Variants in EFCAB7 observed in about 807,000 individuals in gnomAD.
EFCAB7 encodes EF-hand calcium binding domain 7.
EFCAB7 carries 66 observed loss-of-function variants against 77.1 expected under a neutral mutation model. The observed-to-expected ratio is 0.86, with a 90% CI of 0.70 to 1.05. EFCAB7 has a LOEUF of 1.05. Among genes scored for constraint, EFCAB7 ranks in the 50% least tolerant of loss-of-function variants. The pLI is 0.00. For synonymous variants in EFCAB7, 225 were observed against 243.3 expected (o/e 0.92, Z 0.70); for missense variants, 638 against 730.5 (o/e 0.87, Z 1.46).
chr1:63,532,661 T>G lies in EFCAB7; in HGVS notation c.400-9T>G. On this transcript the variant is annotated splice_polypyrimidine_tract_variant and intron_variant, in intron 3 of 13. Coordinates refer to ENST00000371088, the MANE Select transcript of EFCAB7 (RefSeq NM_032437.4). ...TTGCTTTAAAATAAATCTTGTTTTT[T>G]TTTTTCAGAGAGGTGAGAAGATGAC... 1.9e-6 allele frequency: 3 copies of G among 1,583,002 alleles called. No individual in the cohort carries two copies. Among genetic ancestry groups the G allele is most frequent in the Middle Eastern group, 1.7e-4 (1 of 5,936 alleles).
chr1:63,538,711 A>G (rs748923972), intron 6 of EFCAB7, among the ~76,000 whole-genome samples: 1 of 152,138 alleles, frequency 6.6e-6, no homozygotes, highest in African/African-American at 2.4e-5. Context: ...CAGCCTCCCA[A>G]AGTGCTGGGG....
At position 63,557,341 on chromosome 1, in the gene EFCAB7, ATAT is replaced by A. The variant is rs573781309; in HGVS notation, c.1348+101_1348+103del. 92 of 1,176,376 alleles carry A rather than the reference ATAT, an allele frequency of 7.8e-5. No homozygotes were observed. The African/African-American group carries it at 1.3e-3, about 16-fold the overall frequency. 72.9% of individuals were successfully genotyped at this position (1,176,376 alleles called of 1,614,324 possible). On this transcript the variant is annotated intron_variant, in intron 10 of 13. Transcript: ENST00000371088. ...ATGAGAAGTCAAACTTCTGCATGAA[ATAT>A]TATTATAGCATTTAGGACAGTTTGA... is the stretch of plus-strand genomic sequence containing the variant.
chr1:63,535,279 A>C (rs1646750066), intron 6 of EFCAB7, among the ~76,000 whole-genome samples: 2 of 152,108 alleles, frequency 1.3e-5, no homozygotes, highest in Non-Finnish European at 2.9e-5. Flanking sequence ...AATTTAGTTC[A>C]ATTCAACAAA....
At chr1:63,540,557 C>T (rs74800830) in intron 6 of EFCAB7, among the ~76,000 whole-genome samples, 2 of 151,954 alleles carry the variant, frequency 1.3e-5, no homozygotes, top group African/African-American at 4.8e-5. Context: ...CCTTATAAAA[C>T]TCTGAACCCA....
At chr1:63,537,051 T>C (rs545323799) in intron 6 of EFCAB7, among the ~76,000 whole-genome samples, 6 of 152,288 alleles carry the variant, frequency 3.9e-5, no homozygotes, top group Admixed American at 2.0e-4. Context: ...AACCACACAA[T>C]TGGTAAAGGA....
intron 11 of EFCAB7, among the ~76,000 whole-genome samples, chr1:63,564,435 A>G (rs552342934): frequency 3.3e-5 from 5 of 152,308 alleles, no homozygotes; most frequent in Non-Finnish European, 5.9e-5. Flanking sequence ...TCAAGAGCCA[A>G]TTCACGAAAG....
At chr1:63,539,592 G>C (rs917864455) in intron 6 of EFCAB7, among the ~76,000 whole-genome samples, 2 of 152,154 alleles carry the variant, frequency 1.3e-5, no homozygotes, top group Non-Finnish European at 2.9e-5. Flanking sequence ...TAGTTCTGCA[G>C]TCAATTGAGA....
At chr1:63,524,811 A>G (rs1469716926) in intron 1 of EFCAB7, among the ~76,000 whole-genome samples, 5 of 152,212 alleles carry the variant, frequency 3.3e-5, no homozygotes, top group Non-Finnish European at 1.5e-5. Context: ...AAAACGGACA[A>G]AAAAATACCT....
intron 2 of EFCAB7, among the ~76,000 whole-genome samples, chr1:63,528,281 T>C (rs10889429): frequency 0.25 from 38,729 of 152,012 alleles, 6,583 homozygotes; most frequent in African/African-American, 0.49. Flanking sequence ...TCATTTGCAA[T>C]AACATGGATA....
intron 9 of EFCAB7, 85 bp downstream of exon 9, chr1:63,555,600 C>T: frequency 8.9e-7 from 1 of 1,120,396 alleles, no homozygotes; most frequent in South Asian, 2.0e-5. Flanking sequence ...TGGCCAGCTC[C>T]CACCCCCATC....
At chr1:63,529,327 G>T (rs1202356785) in intron 2 of EFCAB7, 2 of 152,168 alleles carry the variant, frequency 1.3e-5, no homozygotes, top group African/African-American at 2.4e-5. Flanking sequence ...GAGGAGAAGA[G>T]AATTTTATTT....
At chr1:63,554,432 C>T (rs373813680) in intron 8 of EFCAB7, among the ~76,000 whole-genome samples, 57 of 152,248 alleles carry the variant, frequency 3.7e-4, no homozygotes, top group East Asian at 9.7e-4. Flanking sequence ...CCTCCACCTC[C>T]GGGTTCAAGT....
At chr1:63,573,531 C>T (rs1647326700), downstream of EFCAB7, among the ~76,000 whole-genome samples, 1 of 152,094 alleles carries the variant, frequency 6.6e-6, no homozygotes, top group African/African-American at 2.4e-5. Flanking sequence ...TTAAGAGTGG[C>T]CGTTTGGGGA....
At chr1:63,540,613 A>G (rs1036556020) in intron 6 of EFCAB7, among the ~76,000 whole-genome samples, 4 of 152,100 alleles carry the variant, frequency 2.6e-5, no homozygotes, top group Non-Finnish European at 5.9e-5. Flanking sequence ...AAAATGACTT[A>G]ATTCATATCT....
intron 8 of EFCAB7, among the ~76,000 whole-genome samples, chr1:63,553,881 C>G (rs1646996040): frequency 6.6e-6 from 1 of 151,526 alleles, no homozygotes; most frequent in Non-Finnish European, 1.5e-5. Context: ...CACTCTGCTG[C>G]CCAGGCTGGA....
intron 10 of EFCAB7, among the ~76,000 whole-genome samples, chr1:63,559,468 C>T (rs892264907): frequency 6.6e-6 from 1 of 151,902 alleles, no homozygotes; most frequent in Admixed American, 6.6e-5. Flanking sequence ...ACATTAGGTT[C>T]AGTCTTTTTG....
chr1:63,555,718 T>TAAATA (rs1299584965), intron 9 of EFCAB7, among the ~76,000 whole-genome samples: 6 of 152,020 alleles, frequency 3.9e-5, no homozygotes, highest in Non-Finnish European at 7.4e-5. Context: ...TACTGCATGA[T>TAAATA]CTCACTTATA....
At chr1:63,553,957 C>T (rs1041385904) in intron 8 of EFCAB7, among the ~76,000 whole-genome samples, 4 of 152,186 alleles carry the variant, frequency 2.6e-5, no homozygotes, top group Admixed American at 1.3e-4. Flanking sequence ...GCCTTAGCAT[C>T]TCAAGTAGCT....
At chr1:63,579,302 A>G in the EFCAB7 span, among the ~76,000 whole-genome samples, 2 of 152,228 alleles carry the variant, frequency 1.3e-5, no homozygotes, top group Admixed American at 1.3e-4. Context: ...AGAATGTTGT[A>G]TAAGTGGAAT....
Sources: gnomAD v4.1 joint callset for allele counts (sites outside exome capture counted in the v4.1 genomes callset) on GRCh38, gnomAD v4.1.1 for gene constraint, MANE v1.5 for transcripts, NCBI Gene and HGNC (gene_info 2026-07-23, HGNC 2026-07-21) for gene names.